Variants in NSG2 observed in about 807,000 individuals in gnomAD.
The protein encoded by NSG2 is neuronal vesicle trafficking associated 2, also known as neuronal vesicle trafficking-associated protein 2.
Under a neutral mutation model 16.9 loss-of-function variants are expected in NSG2, and 4 were observed. The ratio of observed to expected loss-of-function variants is 0.24; its 90% CI spans 0.12 to 0.54. NSG2 has a LOEUF of 0.54. NSG2 is among the 20% of genes least tolerant of loss of function. The pLI is 0.95. For synonymous variants in NSG2, 98 were observed against 88.7 expected (o/e 1.11, Z -0.59); for missense variants, 179 against 221.1 (o/e 0.81, Z 1.21).
intron 3 of NSG2, among the ~76,000 whole-genome samples, chr5:174,094,053 A>T (rs1393474877): frequency 6.6e-6 from 1 of 152,228 alleles, no homozygotes; most frequent in Non-Finnish European, 1.5e-5. Context: ...TATTACAAGC[A>T]AATGTAGCTG....
intron 3 of NSG2, among the ~76,000 whole-genome samples, chr5:174,080,554 T>TCTCTCTC (rs1398255846): frequency 8.2e-5 from 12 of 146,070 alleles, no homozygotes; most frequent in African/African-American, 2.6e-4. Context: ...TCTCTCTTTC[T>TCTCTCTC]TTTCTTTCTT....
chr5:174,055,369 G>A lies in NSG2; in HGVS notation c.129+8485G>A, dbSNP rs146521955. On this transcript the variant is annotated intron_variant, in intron 2 of 4. Coordinates refer to ENST00000303177, the MANE Select transcript of NSG2 (RefSeq NM_015980.5). Reference sequence around the variant, plus strand: ...AGCACTTTGGGAAGCCGAGGTGGGCGGATCACGAGGTCAGGAGATCCAGAC... The same window carrying A: ...AGCACTTTGGGAAGCCGAGGTGGGCAGATCACGAGGTCAGGAGATCCAGAC... 5.5e-3 allele frequency among the ~76,000 whole-genome samples: 833 copies of A among 152,168 alleles called. 12 individuals carry two copies. The highest frequency in any genetic ancestry group is 0.019 in the African/African-American group (787 of 41,510).
chr5:174,051,795 G>A (rs1347259423), intron 2 of NSG2, among the ~76,000 whole-genome samples: 5 of 152,232 alleles, frequency 3.3e-5, no homozygotes. Context: ...AGAACAAGAT[G>A]TTGTAATGTA....
At position 174,064,267 on chromosome 5, in the gene NSG2, A is replaced by C; in HGVS notation, c.165A>C (p.Glu55Asp). ...IVKTRTEYQP[E>D]QKNKGKFRVP... ...AGACAAGAACGGAATATCAGCCGGA[A>C]CAGAAGAACAAAGGGAAGTTCCGGG... Residue 55 changes from glutamate to aspartate, a missense_variant, in exon 3 of 5, where the codon GAA (glutamate) becomes GAC (aspartate). Glu to Asp is a conservative substitution (Grantham distance 45). Coordinates refer to ENST00000303177, the MANE Select transcript of NSG2 (RefSeq NM_015980.5). 1 of 1,612,376 alleles carries C rather than the reference A, an allele frequency of 6.2e-7. No homozygotes were observed. Among genetic ancestry groups the C allele is most frequent in the African/African-American group, 1.3e-5 (1 of 75,078 alleles).
chr5:174,105,919 G>T (rs1581246019), intron 4 of NSG2, among the ~76,000 whole-genome samples: 1 of 152,088 alleles, frequency 6.6e-6, no homozygotes, highest in Non-Finnish European at 1.5e-5. Context: ...AGAAGCTGAG[G>T]TTCTGGAAGA....
intron 3 of NSG2, 45 bp from the exon 4 acceptor site, chr5:174,104,182 AG>A: frequency 7.3e-7 from 1 of 1,375,836 alleles, no homozygotes; most frequent in South Asian, 1.2e-5. Flanking sequence ...CGGGGACTGA[AG>A]GTGGGCAGAC....
In NSG2 at chr5:174,072,557, A is replaced by G. The variant is rs941044751; in HGVS notation, c.213+8242A>G. 6.6e-6 allele frequency among the ~76,000 whole-genome samples: 1 copy of G among 152,232 alleles called. No homozygotes were observed. The highest frequency in any genetic ancestry group is 2.4e-5 in the African/African-American group (1 of 41,472). On this transcript the variant is annotated intron_variant, in intron 3 of 4. Coordinates refer to ENST00000303177, the MANE Select transcript of NSG2 (RefSeq NM_015980.5). This position sits in a 1 kb window ranked among gnomAD's most constrained non-coding sequence, Gnocchi z 4.0. ...TATAGGACCCTCCATTCTAGTACCAATTAAACAGAGTTGGCATCAGTGAGT... is the reference window on the plus strand; with the variant it reads ...TATAGGACCCTCCATTCTAGTACCAGTTAAACAGAGTTGGCATCAGTGAGT...
rs1042435001 is a variant in NSG2 at position 174,072,382 on chromosome 5, T to A, written c.213+8067T>A. Among the ~76,000 whole-genome samples the A allele has an allele frequency of 5.3e-5, 8 of 152,256 alleles. No homozygotes were observed. Among genetic ancestry groups the A allele is most frequent in the African/African-American group, 9.6e-5 (4 of 41,472 alleles). On this transcript the variant is annotated intron_variant, in intron 3 of 4. Coordinates refer to ENST00000303177, the MANE Select transcript of NSG2 (RefSeq NM_015980.5). This position sits in a 1 kb window ranked among gnomAD's most constrained non-coding sequence, Gnocchi z 4.0. Reference sequence around the variant, plus strand: ...TGTCTCCCTGCCTTTGTCTGTGTCATCCTTCCTAGCTGGATTGTCTTTCCT... The same window carrying A: ...TGTCTCCCTGCCTTTGTCTGTGTCAACCTTCCTAGCTGGATTGTCTTTCCT...
chr5:174,050,148 C>T (rs1420609410), intron 2 of NSG2, among the ~76,000 whole-genome samples: 1 of 152,128 alleles, frequency 6.6e-6, no homozygotes, highest in Non-Finnish European at 1.5e-5. Flanking sequence ...GCTGTCAGCC[C>T]TTTGGTTAGG....
At chr5:174,053,630 A>G (rs1038420057) in intron 2 of NSG2, among the ~76,000 whole-genome samples, 2 of 152,216 alleles carry the variant, frequency 1.3e-5, no homozygotes, top group Non-Finnish European at 2.9e-5. Context: ...GAGAATCTCA[A>G]GAGATGAATT....
chr5:174,049,474 CAT>C (rs1291013798), intron 2 of NSG2, among the ~76,000 whole-genome samples: 4 of 152,252 alleles, frequency 2.6e-5, no homozygotes, highest in Non-Finnish European at 5.9e-5. Context: ...ATCACTCACA[CAT>C]GTGTGCAATT....
At chr5:174,095,030 AG>A (rs1413653538) in intron 3 of NSG2, among the ~76,000 whole-genome samples, 1 of 152,224 alleles carries the variant, frequency 6.6e-6, no homozygotes, top group African/African-American at 2.4e-5. Context: ...AACTAGGCAA[AG>A]GAAGGCTTCT....
chr5:174,054,465 C>T (rs912623734), intron 2 of NSG2, among the ~76,000 whole-genome samples: 5 of 152,102 alleles, frequency 3.3e-5, no homozygotes, highest in South Asian at 4.1e-4. Context: ...TCCCTGCAGT[C>T]GCGAACTCTT....
chr5:174,062,326 T>C (rs761762213), intron 2 of NSG2, among the ~76,000 whole-genome samples: 6 of 152,172 alleles, frequency 3.9e-5, no homozygotes, highest in Non-Finnish European at 8.8e-5. Flanking sequence ...ATCTGCTTTA[T>C]AGTGTAGAAT....
intron 3 of NSG2, among the ~76,000 whole-genome samples, chr5:174,086,236 G>T (rs781051836): frequency 1.3e-5 from 2 of 152,064 alleles, no homozygotes; most frequent in Admixed American, 1.3e-4. Flanking sequence ...AACTGACCCC[G>T]GGCCAATCAC....
chr5:174,082,912 C>A (rs1215412984), intron 3 of NSG2, among the ~76,000 whole-genome samples: 1 of 152,208 alleles, frequency 6.6e-6, no homozygotes, highest in Non-Finnish European at 1.5e-5. Context: ...CCAATGGAAC[C>A]ATGTCCATGA....
At chr5:174,088,036 C>T (rs1760661099) in intron 3 of NSG2, among the ~76,000 whole-genome samples, 1 of 152,124 alleles carries the variant, frequency 6.6e-6, no homozygotes, top group Admixed American at 6.5e-5. Flanking sequence ...CCTCCCATAC[C>T]TGTCTTGCCA....
chr5:174,050,756 G>T (rs539154940), intron 2 of NSG2, among the ~76,000 whole-genome samples: 7 of 152,134 alleles, frequency 4.6e-5, no homozygotes, highest in Non-Finnish European at 1.0e-4. Context: ...GAACACCAGA[G>T]GCCCCAGTGC....
chr5:174,081,909 G>T (rs909870585), intron 3 of NSG2, among the ~76,000 whole-genome samples: 4 of 142,540 alleles, frequency 2.8e-5, no homozygotes, highest in Non-Finnish European at 6.1e-5. Flanking sequence ...AAAAAAAAAA[G>T]AGAGAGAATG....
Sources: allele counts gnomAD v4.1 joint callset (sites outside exome capture counted in the v4.1 genomes callset), GRCh38; gene constraint gnomAD v4.1.1; non-coding constraint Gnocchi (gnomAD v3.1); transcripts MANE v1.5; gene names NCBI Gene and HGNC (gene_info 2026-07-23, HGNC 2026-07-21).